Variants in EPHB2 observed in about 807,000 individuals in gnomAD.
EPHB2 encodes the protein ephrin type-B receptor 2.
A neutral mutation model predicts 96.4 loss-of-function variants in EPHB2; 18 were observed. The ratio of observed to expected loss-of-function variants is 0.19; its 90% CI spans 0.13 to 0.28. The LOEUF (loss-of-function observed/expected upper bound fraction) is 0.28, where lower values mean the gene tolerates loss of function less well. EPHB2 is among the 10% of genes least tolerant of loss of function. The pLI is 1.00. For synonymous variants in EPHB2, 506 were observed against 534.1 expected, an observed-to-expected ratio of 0.95 and a Z score of 0.72; for missense variants, 989 against 1,355.4, an observed-to-expected ratio of 0.73 and a Z score of 4.25.
chr1:22,744,958 C>T (rs1024373853), intron 1 of EPHB2, among the ~76,000 whole-genome samples: 5 of 152,212 alleles, frequency 3.3e-5, no homozygotes, highest in Non-Finnish European at 5.9e-5. Flanking sequence ...TCCTCGTCTT[C>T]ACGTTGAGCA....
At chr1:22,852,908 GGAGA>G (rs961371846) in intron 3 of EPHB2, among the ~76,000 whole-genome samples, 228 of 152,326 alleles carry the variant, frequency 1.5e-3, no homozygotes, top group African/African-American at 5.1e-3. Flanking sequence ...GATGGGAGGT[GGAGA>G]GACAGATGTT....
At chr1:22,842,834 C>T (rs1483285697) in intron 3 of EPHB2, among the ~76,000 whole-genome samples, 1 of 151,942 alleles carries the variant, frequency 6.6e-6, no homozygotes, top group Non-Finnish European at 1.5e-5. Context: ...CTGCACTCCC[C>T]CTCTAACTCC....
At chr1:22,861,143 G>T (rs1638234447) in intron 3 of EPHB2, among the ~76,000 whole-genome samples, 1 of 152,192 alleles carries the variant, frequency 6.6e-6, no homozygotes, top group South Asian at 2.1e-4. Flanking sequence ...AATATAAACT[G>T]ACAACAACTC....
Position 22,846,326 on chromosome 1 carries a change from G to A in EPHB2, c.812-16711G>A, listed in dbSNP as rs1003389862. Among the ~76,000 whole-genome samples the A allele has an allele frequency of 2.0e-5, 3 of 151,542 alleles. No homozygotes were observed. Among genetic ancestry groups the A allele is most frequent in the Non-Finnish European group, 2.9e-5 (2 of 68,002 alleles). ...AGCTACTAGGGAGGCTGAGGCAGGA[G>A]AATCACTTGAACCCGGGAGGTGGAG... On this transcript the variant is annotated intron_variant, in intron 3 of 15. Transcript: ENST00000374630. The surrounding 1 kb of genome is among the most constrained non-coding windows in gnomAD (Gnocchi z 4.3).
intron 3 of EPHB2, among the ~76,000 whole-genome samples, chr1:22,862,355 C>T (rs1252701000): frequency 1.3e-5 from 2 of 152,206 alleles, no homozygotes; most frequent in Non-Finnish European, 2.9e-5. Flanking sequence ...ATTCATTGGG[C>T]ACCTATACTG....
chr1:22,857,185 C>G (rs1172592549), intron 3 of EPHB2, among the ~76,000 whole-genome samples: 1 of 152,174 alleles, frequency 6.6e-6, no homozygotes, highest in African/African-American at 2.4e-5. Flanking sequence ...TTAATGATCT[C>G]AAGTTGGTAC....
intron 1 of EPHB2, among the ~76,000 whole-genome samples, chr1:22,779,077 C>T (rs1314507018): frequency 6.6e-6 from 1 of 152,200 alleles, no homozygotes; most frequent in Non-Finnish European, 1.5e-5. Context: ...AGCAGCTGTT[C>T]CCTGGGCCCA....
chr1:22,751,683 C>T (rs989311133), intron 1 of EPHB2, among the ~76,000 whole-genome samples: 1 of 152,182 alleles, frequency 6.6e-6, no homozygotes, highest in Non-Finnish European at 1.5e-5. Flanking sequence ...GGATGCTTAG[C>T]CCCTGCAAGC....
At chr1:22,740,740 G>C (rs10917285) in intron 1 of EPHB2, among the ~76,000 whole-genome samples, 23,023 of 149,860 alleles carry the variant, frequency 0.15, 2,010 homozygotes, top group East Asian at 0.28. Context: ...TTCCCCGCCC[G>C]TCTCATCCCT....
chr1:22,833,775 A>C (rs1645341153), intron 3 of EPHB2, among the ~76,000 whole-genome samples: 1 of 152,192 alleles, frequency 6.6e-6, no homozygotes, highest in African/African-American at 2.4e-5. Context: ...AATGGGTTCA[A>C]AACTGTTAAA....
intron 1 of EPHB2, 80 bp downstream of exon 1, chr1:22,711,123 C>T (rs1479477453): frequency 6.9e-6 from 1 of 145,964 alleles, no homozygotes; most frequent in African/African-American, 2.5e-5. Context: ...CACCTCCGCT[C>T]CGCGGCCCGC....
At position 22,906,594 on chromosome 1, in the gene EPHB2, G is replaced by A. The variant is rs1442839787; in HGVS notation, c.1889-116G>A. 1 of 1,495,976 alleles carries A rather than the reference G, an allele frequency of 6.7e-7. No homozygotes were observed. The highest frequency in any genetic ancestry group is 9.1e-7 in the Non-Finnish European group (1 of 1,101,750). 92.7% of individuals were successfully genotyped at this position (1,495,976 alleles called of 1,614,324 possible). A position where few individuals can be genotyped will look rare whatever the true frequency, so the allele number is the denominator to read the frequency against. ...GGTTCTGTGTCTGCAAGGATGAGTG[G>A]GCCATTGAGAAGAAAATGTACCTGC... On this transcript the variant is annotated intron_variant, in intron 10 of 15. Coordinates refer to ENST00000374630, the MANE Select transcript of EPHB2 (RefSeq NM_017449.5). The surrounding 1 kb of genome is among the most constrained non-coding windows in gnomAD (Gnocchi z 4.8).
intron 3 of EPHB2, among the ~76,000 whole-genome samples, chr1:22,840,085 A>G (rs1004683914): frequency 2.6e-5 from 4 of 152,074 alleles, no homozygotes; most frequent in African/African-American, 9.7e-5. Context: ...GGATGGATGG[A>G]TGGATGAATG....
chr1:22,901,893 A>G (rs1639764092), intron 9 of EPHB2, among the ~76,000 whole-genome samples: 1 of 151,866 alleles, frequency 6.6e-6, no homozygotes, highest in Non-Finnish European at 1.5e-5. Context: ...TGGCACAAAC[A>G]CGGCTTACTG....
chr1:22,727,046 A>AAGAG lies in EPHB2; in HGVS notation c.61+16005_61+16008dup, dbSNP rs573583236. 3.5e-4 allele frequency among the ~76,000 whole-genome samples: 53 copies of AAGAG among 152,340 alleles called. No homozygotes were observed. The East Asian group carries it at 0.01, about 29-fold the overall frequency. On this transcript the variant is annotated intron_variant, in intron 1 of 15. Transcript: ENST00000374630. ...ATGGCAGGAGAGGTTTGAGTCCGTT[A>AAGAG]AGAGAAGCCTTGAGTGATGAGCTAT...
intron 5 of EPHB2, among the ~76,000 whole-genome samples, chr1:22,881,779 C>G (rs309488): frequency 0.24 from 36,336 of 151,890 alleles, 7,223 homozygotes; most frequent in African/African-American, 0.53. Context: ...TTTTAGTAGA[C>G]ACGGGGTTTC....
At chr1:22,715,790 G>T (rs763866390) in intron 1 of EPHB2, among the ~76,000 whole-genome samples, 4 of 152,212 alleles carry the variant, frequency 2.6e-5, no homozygotes, top group African/African-American at 4.8e-5. Context: ...GCAGTGTGTG[G>T]TAGAGAAAAT....
intron 1 of EPHB2, among the ~76,000 whole-genome samples, chr1:22,716,479 G>A (rs908948346): frequency 3.9e-5 from 6 of 152,124 alleles, no homozygotes; most frequent in Non-Finnish European, 7.4e-5. Flanking sequence ...CTACAGGCAT[G>A]TGCCACTACA....
At chr1:22,731,303 T>C (rs1361965755) in intron 1 of EPHB2, among the ~76,000 whole-genome samples, 2 of 152,186 alleles carry the variant, frequency 1.3e-5, no homozygotes, top group Non-Finnish European at 2.9e-5. Context: ...CAGGACTTGC[T>C]GAGCGACTGT....
Sources: allele counts gnomAD v4.1 joint callset (sites outside exome capture counted in the v4.1 genomes callset), GRCh38; gene constraint gnomAD v4.1.1; non-coding constraint Gnocchi (gnomAD v3.1); transcripts MANE v1.5; gene names NCBI Gene and HGNC (gene_info 2026-07-23, HGNC 2026-07-21).